Variants in NECAP1 observed in about 807,000 individuals in gnomAD.
NECAP1 encodes the protein adaptin ear-binding coat-associated protein 1.
NECAP1 carries 13 observed loss-of-function variants against 33.4 expected under a neutral mutation model. The observed-to-expected ratio is 0.39, with a 90% CI of 0.25 to 0.62. The LOEUF (loss-of-function observed/expected upper bound fraction) is 0.62. Among genes scored for constraint, NECAP1 ranks in the 20% least tolerant of loss-of-function variants. The probability of loss-of-function intolerance (pLI) is 0.52; values close to 1 mark genes in which losing one functional copy is unlikely to be tolerated. For missense variants in NECAP1, 272 were observed against 347.4 expected (o/e 0.78, Z 1.73); for synonymous variants, 109 against 125.2 (o/e 0.87, Z 0.86).
At chr12:8,088,089 A>C (rs891820650) in intron 1 of NECAP1, among the ~76,000 whole-genome samples, 1 of 152,296 alleles carries the variant, frequency 6.6e-6, no homozygotes, top group South Asian at 2.1e-4. Flanking sequence ...CACAAATACA[A>C]TGTTTTGTAA....
intron 7 of NECAP1, 155 bp downstream of exon 7, chr12:8,095,858 T>TG: frequency 9.3e-7 from 1 of 1,070,170 alleles, no homozygotes; most frequent in African/African-American, 1.6e-5. Context: ...GTGCTGGGAA[T>TG]GGGGGGACAA....
chr12:8,091,861 CT>C lies in NECAP1; in HGVS notation c.383+13del. 2 of 1,609,796 alleles carry C rather than the reference CT, an allele frequency of 1.2e-6. No individual in the cohort carries two copies. Among genetic ancestry groups the C allele is most frequent in the Admixed American group, 1.7e-5 (1 of 59,722 alleles). On this transcript the variant is annotated intron_variant, in intron 4 of 7. Coordinates refer to ENST00000339754, the MANE Select transcript of NECAP1 (RefSeq NM_015509.4). ...GCAGGATCACTTCAAGTGAGTGAAG[CT>C]TGTCCTTAGTTACGAGGCTGAATGC...
At chr12:8,085,952 A>G (rs1252675835) in intron 1 of NECAP1, among the ~76,000 whole-genome samples, 15 of 151,510 alleles carry the variant, frequency 9.9e-5, no homozygotes, top group African/African-American at 2.7e-4. Context: ...CAATCCACCC[A>G]CCTCAACCTC....
chr12:8,091,939 GTTTC>G, intron 4 of NECAP1, 89 bp downstream of exon 4: 1 of 1,093,764 alleles, frequency 9.1e-7, no homozygotes, highest in Non-Finnish European at 1.4e-6. Flanking sequence ...TTTCCTCCTG[GTTTC>G]TTTGTTTCTT....
In NECAP1 at chr12:8,090,254, A is replaced by G; in HGVS notation, c.256A>G (p.Thr86Ala). ...QYPGIAVETV[T>A]DSSRYFVIRI... is the part of the protein sequence containing the mutation. ...TCCTGGTATTGCTGTGGAGACGGTG[A>G]CAGATTCTAGCCGCTACTTTGTAAT... is the stretch of plus-strand genomic sequence containing the variant. Residue 86 changes from threonine to alanine, a missense_variant, in exon 3 of 8, where the codon ACA (threonine) becomes GCA (alanine). By Grantham distance (58) the Thr-to-Ala change is moderately conservative. Transcript: ENST00000339754. 1 of 1,614,188 alleles carries G rather than the reference A, an allele frequency of 6.2e-7. No individual in the cohort carries two copies. Among genetic ancestry groups the G allele is most frequent in the Non-Finnish European group, 8.5e-7 (1 of 1,180,036 alleles).
intron 6 of NECAP1, among the ~76,000 whole-genome samples, chr12:8,094,473 T>C (rs1450723889): frequency 6.6e-6 from 1 of 152,156 alleles, no homozygotes; most frequent in Non-Finnish European, 1.5e-5. Flanking sequence ...GCAGGATTTT[T>C]TGTTATTTTT....
intron 6 of NECAP1, 57 bp downstream of exon 6, chr12:8,093,112 AC>A: frequency 6.6e-7 from 1 of 1,526,520 alleles, no homozygotes; most frequent in South Asian, 1.1e-5. Flanking sequence ...ATTAAGCAAC[AC>A]CTGTTTGTCA....
At chr12:8,084,414 G>A (rs1315765139) in intron 1 of NECAP1, among the ~76,000 whole-genome samples, 1 of 152,138 alleles carries the variant, frequency 6.6e-6, no homozygotes, top group Non-Finnish European at 1.5e-5. Flanking sequence ...TATGCACCCT[G>A]TGTGCTTCCA....
chr12:8,089,929 G>A lies in NECAP1; in HGVS notation c.96-7G>A, dbSNP rs760242946. The A allele has an allele frequency of 1.2e-6, 2 of 1,612,100 alleles. No homozygotes were observed. Among genetic ancestry groups the A allele is most frequent in the South Asian group, 2.2e-5 (2 of 91,030 alleles). On this transcript the variant is annotated splice_polypyrimidine_tract_variant and splice_region_variant and intron_variant, in intron 1 of 7. Coordinates refer to ENST00000339754, the MANE Select transcript of NECAP1 (RefSeq NM_015509.4). ...TGTGCCTGAGGCTTCCTCTTTTCCT[G>A]TCCTAGGGCCTCTGACTGGAAATTA...
chr12:8,085,067 T>C (rs1161942115), intron 1 of NECAP1, among the ~76,000 whole-genome samples: 2 of 152,264 alleles, frequency 1.3e-5, no homozygotes, highest in African/African-American at 4.8e-5. Flanking sequence ...TTGCCCAGGC[T>C]GGAGTGCGCT....
At chr12:8,085,539 C>T (rs1004824) in intron 1 of NECAP1, among the ~76,000 whole-genome samples, 46,634 of 151,954 alleles carry the variant, frequency 0.31, 7,489 homozygotes, top group South Asian at 0.48. Flanking sequence ...TTTAGTACAG[C>T]ACATGAAGAG....
intron 1 of NECAP1, among the ~76,000 whole-genome samples, chr12:8,088,277 A>G (rs1387448188): frequency 6.6e-6 from 1 of 152,182 alleles, no homozygotes; most frequent in Non-Finnish European, 1.5e-5. Flanking sequence ...CAAACTCAGC[A>G]TATTTAAAAC....
chr12:8,090,611 C>A (rs901768663), intron 3 of NECAP1: 2 of 234,802 alleles, frequency 8.5e-6, no homozygotes, highest in South Asian at 5.8e-5. Flanking sequence ...GAGTTTGAGG[C>A]CAGCCTGACC....
At position 8,096,404 on chromosome 12, in the gene NECAP1, CTG is replaced by C. The variant is rs1177344304; in HGVS notation, c.*316_*317del. 5 of 264,316 alleles carry C rather than the reference CTG, an allele frequency of 1.9e-5. No homozygotes were observed. Among genetic ancestry groups the C allele is most frequent in the African/African-American group, 1.1e-4 (5 of 45,636 alleles). The allele number at this position is 264,316 out of a possible 1,614,324, so 16.4% of individuals were successfully genotyped here. ...TTTGAGGGGGAATGACCTCTAACAT[CTG>C]TAAAATTTGTCTCATCTTTTAATTT... On this transcript the variant is annotated 3_prime_UTR_variant, in exon 8 of 8. Transcript: ENST00000339754.
intron 1 of NECAP1, among the ~76,000 whole-genome samples, chr12:8,087,253 T>A (rs1029834531): frequency 7.4e-6 from 1 of 135,978 alleles, no homozygotes; most frequent in Non-Finnish European, 1.7e-5. Flanking sequence ...ATCATCATAG[T>A]GGTTTTTTAT....
rs1947587834 is a variant in NECAP1, at chr12:8,095,673, A to T, written c.749A>T (p.Asp250Val). The T allele has an allele frequency of 1.9e-6, 3 of 1,613,734 alleles. No homozygotes were observed. Among genetic ancestry groups the T allele is most frequent in the Non-Finnish European group, 2.5e-6 (3 of 1,179,788 alleles). ...PAPTPVSVSN[D>V]LWGDFSTASS... ...CCAACTCCAGTTTCTGTAAGCAATG[A>T]CTTGTGGGGAGACTTCAGCACTGCC... The change falls in exon 7 of 8, where the codon GAC becomes GTC. Residue 250 changes from aspartate to valine, a missense_variant. Transcript: ENST00000339754.
rs1191200725 is a variant in NECAP1, at chr12:8,082,299, A to C, written c.11A>C (p.Glu4Ala). 6.3e-7 allele frequency: 1 copy of C among 1,596,346 alleles called. No homozygotes were observed. Among genetic ancestry groups the C allele is most frequent in the Non-Finnish European group, 8.6e-7 (1 of 1,165,364 alleles). Residue 4 changes from glutamate to alanine, a missense_variant, in exon 1 of 8, where the codon GAG becomes GCG. By Grantham distance (107) the Glu-to-Ala change is moderately radical. Transcript: ENST00000339754. MAT[E>A]LEYESVLCVK... ...GACAGCGGACCCAAGATGGCGACCG[A>C]GTTGGAGTACGAGTCTGTGCTGTGT...
rs1012797992 is a variant in NECAP1 at position 8,095,644 on chromosome 12, A to G, written c.720A>G (p.Pro240=). The G allele has an allele frequency of 1.2e-6, 2 of 1,613,950 alleles. No homozygotes were observed. The highest frequency in any genetic ancestry group is 1.7e-6 in the Non-Finnish European group (2 of 1,179,928). ...DLDSPAPVTT[P]APTPVSVSND... is the part of the protein sequence containing the mutation. ...ATTCTCCTGCTCCTGTCACGACACC[A>G]GCACCAACTCCAGTTTCTGTAAGCA... is the stretch of plus-strand genomic sequence containing the variant. The change falls in exon 7 of 8, where the codon CCA becomes CCG. Residue 240 remains proline (P), a synonymous_variant. Coordinates refer to ENST00000339754, the MANE Select transcript of NECAP1 (RefSeq NM_015509.4).
intron 6 of NECAP1, among the ~76,000 whole-genome samples, chr12:8,095,089 T>C (rs1466460734): frequency 6.6e-6 from 1 of 152,228 alleles, no homozygotes; most frequent in African/African-American, 2.4e-5. Flanking sequence ...TGCTGAATAG[T>C]ATTCCATGGT....
Sources: gnomAD v4.1 joint callset for allele counts (sites outside exome capture counted in the v4.1 genomes callset) on GRCh38, gnomAD v4.1.1 for gene constraint, MANE v1.5 for transcripts, NCBI Gene and HGNC (gene_info 2026-07-23, HGNC 2026-07-21) for gene names.